XK: variants seen among roughly 807,000 people sequenced by gnomAD.
XK encodes endoplasmic reticulum membrane adapter protein XK.
Under a neutral mutation model 14.0 loss-of-function variants are expected in XK, and 2 were observed. The observed-to-expected ratio is 0.14, with a 90% CI of 0.06 to 0.45. The LOEUF (loss-of-function observed/expected upper bound fraction) is 0.45. XK is among the 20% of genes least tolerant of loss of function. The pLI, the probability that XK is intolerant of heterozygous loss-of-function variation, is 0.98. For missense variants in XK, 235 were observed against 341.5 expected, an observed-to-expected ratio of 0.69 and a Z score of 2.46; for synonymous variants, 149 against 147.5, an observed-to-expected ratio of 1.01 and a Z score of -0.08.
At chrX:37,707,108 G>A (rs1404985561) in intron 2 of XK, among the ~76,000 whole-genome samples, 4 of 112,235 alleles carry the variant, frequency 3.6e-5, no homozygotes, top group Admixed American at 9.3e-5. Flanking sequence ...CCACAAAACC[G>A]CCATTGTCAT....
In XK at chrX:37,728,336, A is replaced by T. The variant is rs782076359; in HGVS notation, c.1209A>T (p.Lys403Asn). The T allele has an allele frequency of 2.5e-6, 3 of 1,207,999 alleles. No homozygotes were observed. Among genetic ancestry groups the T allele is most frequent in the African/African-American group, 3.5e-5 (2 of 56,784 alleles). ...RCFCWACRQQ[K>N]PCEPIGKEDL... ...TTTGCTGGGCCTGCAGGCAGCAAAA[A>T]CCCTGTGAGCCGATAGGAAAGGAAG... Residue 403 changes from lysine (K) to asparagine (N), a missense_variant, in exon 3 of 3, where the codon AAA becomes AAT. By Grantham distance (94) the Lys-to-Asn change is moderately conservative. Coordinates refer to ENST00000378616, the MANE Select transcript of XK (RefSeq NM_021083.4).
chrX:37,693,093 A>T (rs1238917045), intron 1 of XK, among the ~76,000 whole-genome samples: 1 of 111,536 alleles, frequency 9.0e-6, no homozygotes, highest in African/African-American at 3.3e-5. Context: ...CCTCTCTTAC[A>T]TCAAGCTTTA....
rs1556450446 is a variant in XK, at chrX:37,728,049, A to G, written c.922A>G (p.Ile308Val). 15 of 1,209,574 alleles carry G rather than the reference A, an allele frequency of 1.2e-5. No individual in the cohort carries two copies. The highest frequency in any genetic ancestry group is 1.7e-5 in the Non-Finnish European group (15 of 895,167). The change falls in exon 3 of 3, where the codon ATC (isoleucine) becomes GTC (valine). Residue 308 changes from isoleucine to valine, a missense_variant. Physicochemically the swap from Ile to Val is conservative, Grantham distance 29. Transcript: ENST00000378616. ...VQLKIDSPDLISKSHNWYQLL... is the reference protein window; with the variant it reads ...VQLKIDSPDLVSKSHNWYQLL... Reference sequence around the variant, plus strand: ...GCTGAAAATTGACAGCCCTGACCTCATCAGCAAGTCCCATAATTGGTACCA... The same window carrying G: ...GCTGAAAATTGACAGCCCTGACCTCGTCAGCAAGTCCCATAATTGGTACCA...
chrX:37,699,445 A>C (rs910703496), intron 2 of XK, among the ~76,000 whole-genome samples: 1 of 112,406 alleles, frequency 8.9e-6, no homozygotes, highest in Non-Finnish European at 1.9e-5. Context: ...AGATAACCCA[A>C]AGGACAGACA....
At chrX:37,701,581 A>G (rs1022187730) in intron 2 of XK, among the ~76,000 whole-genome samples, 1 of 112,556 alleles carries the variant, frequency 8.9e-6, no homozygotes, top group East Asian at 2.8e-4. Flanking sequence ...GTGATCTTGG[A>G]CTTTCATTTA....
intron 2 of XK, among the ~76,000 whole-genome samples, chrX:37,708,426 G>A (rs782239291): frequency 3.8e-4 from 43 of 111,750 alleles, no homozygotes; most frequent in African/African-American, 1.3e-3. Flanking sequence ...TCCTCTGGAG[G>A]GAACATGCCC....
intron 2 of XK, among the ~76,000 whole-genome samples, chrX:37,706,942 G>C (rs1369818190): frequency 1.8e-5 from 2 of 110,535 alleles, no homozygotes; most frequent in African/African-American, 3.3e-5. Flanking sequence ...GAGAGCACAG[G>C]GTTGGGGGTA....
At chrX:37,700,959 T>C (rs781913969) in intron 2 of XK, among the ~76,000 whole-genome samples, 1 of 111,459 alleles carries the variant, frequency 9.0e-6, no homozygotes, top group East Asian at 2.8e-4. Flanking sequence ...CATGTTATTT[T>C]ATTTATTTAT....
chrX:37,705,623 C>G (rs1477171430), intron 2 of XK, among the ~76,000 whole-genome samples: 3 of 111,511 alleles, frequency 2.7e-5, no homozygotes, highest in Non-Finnish European at 5.6e-5. Flanking sequence ...ACTGACAAAT[C>G]TCTAGGAACT....
chrX:37,720,623 A>G (rs1927851435), intron 2 of XK, among the ~76,000 whole-genome samples: 1 of 110,629 alleles, frequency 9.0e-6, no homozygotes, highest in Non-Finnish European at 1.9e-5. Flanking sequence ...CGTCACCCAA[A>G]TAATGTACAT....
chrX:37,713,602 C>CT (rs781838252), intron 2 of XK, among the ~76,000 whole-genome samples: 5,303 of 101,208 alleles, frequency 0.052, 329 homozygotes, highest in African/African-American at 0.17. Context: ...AAGAATGCCT[C>CT]TTTTTTTTTT....
intron 1 of XK, among the ~76,000 whole-genome samples, chrX:37,691,133 C>T (rs1021660493): frequency 8.9e-6 from 1 of 112,425 alleles, no homozygotes; most frequent in Non-Finnish European, 1.9e-5. Flanking sequence ...GACCTTCTTT[C>T]ATTTCCATCA....
In XK at chrX:37,690,409, T is replaced by A. The variant is rs1299668227; in HGVS notation, c.246-3877T>A. ...AATTATAGTATTTCTTTGGAAAAAG[T>A]ATTTTAATTAGGGTCTCTGGTACCA... On this transcript the variant is annotated intron_variant, in intron 1 of 2. Transcript: ENST00000378616. Among the ~76,000 whole-genome samples, 4 of 112,488 alleles carry A rather than the reference T, an allele frequency of 3.6e-5. No individual in the cohort carries two copies. In the East Asian group the frequency reaches 1.1e-3, roughly 31 times the overall value.
chrX:37,690,450 C>T (rs1462461788), intron 1 of XK, among the ~76,000 whole-genome samples: 1 of 112,304 alleles, frequency 8.9e-6, no homozygotes, highest in Non-Finnish European at 1.9e-5. Context: ...TATTTATGCT[C>T]ACATCAGCAT....
chrX:37,686,823 A>G (rs1024899072), intron 1 of XK, among the ~76,000 whole-genome samples: 18 of 111,895 alleles, frequency 1.6e-4, no homozygotes, highest in African/African-American at 5.9e-4. Flanking sequence ...AAACGTAGCC[A>G]TTAAAGCTGG....
rs963496892 is a variant in XK at position 37,722,223 on chromosome X, G to A, written c.509-5413G>A. Reference sequence around the variant, plus strand: ...AAATTTTTCAACATACAAAAAGATTGAGAGGATGTTATAATGAACCCCCAT... The same window carrying A: ...AAATTTTTCAACATACAAAAAGATTAAGAGGATGTTATAATGAACCCCCAT... On this transcript the variant is annotated intron_variant, in intron 2 of 2. Coordinates refer to ENST00000378616, the MANE Select transcript of XK (RefSeq NM_021083.4). 8.1e-5 allele frequency among the ~76,000 whole-genome samples: 9 copies of A among 111,717 alleles called. No individual in the cohort carries two copies. The East Asian group carries it at 2.5e-3, about 31-fold the overall frequency.
At chrX:37,719,092 T>C (rs1192272683) in intron 2 of XK, among the ~76,000 whole-genome samples, 4 of 111,327 alleles carry the variant, frequency 3.6e-5, no homozygotes, top group African/African-American at 9.8e-5. Flanking sequence ...AATGTATTTC[T>C]TTTCCCTTCA....
chrX:37,692,519 G>A (rs73631197), intron 1 of XK, among the ~76,000 whole-genome samples: 3,681 of 111,896 alleles, frequency 0.033, 150 homozygotes, highest in African/African-American at 0.11. Flanking sequence ...TCCTGCCTCA[G>A]CCTCCCGAGT....
At chrX:37,710,336 T>C (rs1927639343) in intron 2 of XK, among the ~76,000 whole-genome samples, 1 of 112,560 alleles carries the variant, frequency 8.9e-6, no homozygotes, top group Non-Finnish European at 1.9e-5. Context: ...CTTTAACTGC[T>C]CATGAGGTGC....
Sources: gnomAD v4.1 joint callset for allele counts (sites outside exome capture counted in the v4.1 genomes callset) on GRCh38, gnomAD v4.1.1 for gene constraint, MANE v1.5 for transcripts, NCBI Gene and HGNC (gene_info 2026-07-23, HGNC 2026-07-21) for gene names.